RELN: variants seen among roughly 807,000 people sequenced by gnomAD.
RELN encodes the protein reelin.
In RELN, 108 loss-of-function variants were observed where a neutral mutation model predicts 427.6. The ratio of observed to expected loss-of-function variants is 0.25; its 90% CI spans 0.22 to 0.30. The LOEUF is 0.30. RELN is among the 10% of genes least tolerant of loss of function. RELN has a pLI of 1.00. For missense variants in RELN, 3,715 were observed against 4,302.8 expected (o/e 0.86, Z 3.82); for synonymous variants, 1,524 against 1,513.4 (o/e 1.01, Z -0.16).
Position 103,503,006 on chromosome 7 carries a change from T to C in RELN, c.8489+10A>G. The stretch of plus-strand genomic sequence containing the variant: ...CTTGGAACCAGGCTTTGTTTTAGTT[T>C]TCTACTTACTTTCCCACTAAGCTTT... On this transcript the variant is annotated intron_variant, in intron 52 of 64. Coordinates refer to ENST00000428762, the MANE Select transcript of RELN (RefSeq NM_005045.4). 6.2e-7 allele frequency: 1 copy of C among 1,611,708 alleles called. No individual in the cohort carries two copies. Among genetic ancestry groups the C allele is most frequent in the Non-Finnish European group, 8.5e-7 (1 of 1,177,872 alleles).
At chr7:103,972,066 C>T (rs1796774825) in intron 1 of RELN, among the ~76,000 whole-genome samples, 1 of 152,030 alleles carries the variant, frequency 6.6e-6, no homozygotes, top group African/African-American at 2.4e-5. Context: ...GAGCGAGACC[C>T]TCTCTCAAAA....
At chr7:103,770,202 A>G (rs1021957328) in intron 4 of RELN, among the ~76,000 whole-genome samples, 3 of 152,082 alleles carry the variant, frequency 2.0e-5, no homozygotes, top group African/African-American at 7.2e-5. Context: ...CTCCTGCCTC[A>G]GCGTCCTGAA....
At chr7:103,665,075 C>G (rs553610846) in intron 11 of RELN, among the ~76,000 whole-genome samples, 15 of 152,146 alleles carry the variant, frequency 9.9e-5, no homozygotes, top group African/African-American at 3.6e-4. Flanking sequence ...CTTTGCTTTT[C>G]ACATTTAGGT....
chr7:103,786,503 C>T (rs1265347219), intron 3 of RELN, among the ~76,000 whole-genome samples: 3 of 82,484 alleles, frequency 3.6e-5, no homozygotes, highest in African/African-American at 1.4e-4. Flanking sequence ...AAAGATTTAC[C>T]AAGAAAATGG....
intron 13 of RELN, among the ~76,000 whole-genome samples, chr7:103,653,424 GA>G (rs1832963296): frequency 6.6e-6 from 1 of 152,052 alleles, no homozygotes; most frequent in Admixed American, 6.6e-5. Flanking sequence ...CTTAAACCCT[GA>G]AATGCTAGAT....
intron 3 of RELN, among the ~76,000 whole-genome samples, chr7:103,789,081 C>T (rs952360199): frequency 6.6e-6 from 1 of 152,112 alleles, no homozygotes; most frequent in African/African-American, 2.4e-5. Flanking sequence ...CAAAAACGAG[C>T]AATGGGGAAA....
intron 1 of RELN, among the ~76,000 whole-genome samples, chr7:103,926,928 A>G (rs1338591959): frequency 6.6e-6 from 1 of 152,126 alleles, no homozygotes; most frequent in African/African-American, 2.4e-5. Flanking sequence ...TACAGGCGTG[A>G]GCCACCGTGC....
chr7:103,748,164 TTAA>T (rs1197775106), intron 6 of RELN, among the ~76,000 whole-genome samples: 1 of 151,606 alleles, frequency 6.6e-6, no homozygotes, highest in East Asian at 1.9e-4. Flanking sequence ...TGGCTTCTTA[TTAA>T]TAAATATTTT....
intron 1 of RELN, among the ~76,000 whole-genome samples, chr7:103,931,283 C>T (rs1795859278): frequency 6.6e-6 from 1 of 152,140 alleles, no homozygotes; most frequent in Non-Finnish European, 1.5e-5. Context: ...TTTGTTCTCA[C>T]CATCCTTTCC....
At chr7:103,491,628 A>C (rs1470684710) in intron 58 of RELN, among the ~76,000 whole-genome samples, 1 of 152,050 alleles carries the variant, frequency 6.6e-6, no homozygotes, top group Non-Finnish European at 1.5e-5. Flanking sequence ...TCGGGAGTTC[A>C]AGACCAGCCT....
intron 17 of RELN, among the ~76,000 whole-genome samples, chr7:103,638,024 G>A (rs10245257): frequency 0.72 from 109,529 of 152,024 alleles, 39,878 homozygotes; most frequent in African/African-American, 0.82. Context: ...AGGTTATTCA[G>A]TTGAGATATA....
Position 103,818,611 on chromosome 7 carries a change from C to T in RELN, c.473+14926G>A, listed in dbSNP as rs142396553. ...TTAACCTTAACATAAAAATAACATA[C>T]TTTCGTAATGAAAAGAGCATTAGTT... On this transcript the variant is annotated intron_variant, in intron 3 of 64. Transcript: ENST00000428762. Among the ~76,000 whole-genome samples, 20 of 152,230 alleles carry T rather than the reference C, an allele frequency of 1.3e-4. No individual in the cohort carries two copies. The East Asian group carries it at 3.9e-3, about 29-fold the overall frequency.
intron 1 of RELN, among the ~76,000 whole-genome samples, chr7:103,971,373 TA>T (rs1187676087): frequency 6.6e-6 from 1 of 152,090 alleles, no homozygotes; most frequent in Non-Finnish European, 1.5e-5. Context: ...TTACTAACAT[TA>T]GCAGTTTTTC....
In RELN at chr7:103,682,274, A is replaced by G; in HGVS notation, c.1144-13T>C. ...ACTGACAGCTATGCTGTAGGTGAAAAGAGAGCACGGGGTGGCTGTTGAATT... is the reference window on the plus strand; with the variant it reads ...ACTGACAGCTATGCTGTAGGTGAAAGGAGAGCACGGGGTGGCTGTTGAATT... On this transcript the variant is annotated splice_polypyrimidine_tract_variant and intron_variant, in intron 10 of 64. Transcript: ENST00000428762. 6.2e-7 allele frequency: 1 copy of G among 1,613,920 alleles called. No homozygotes were observed. Among genetic ancestry groups the G allele is most frequent in the Non-Finnish European group, 8.5e-7 (1 of 1,179,852 alleles).
Position 103,989,653 on chromosome 7 carries a change from G to A in RELN, c.-297C>T, listed in dbSNP as rs1234368327. On this transcript the variant is annotated 5_prime_UTR_variant, in exon 1 of 65. Transcript: ENST00000428762. The surrounding 1 kb of genome is among the most constrained non-coding windows in gnomAD (Gnocchi z 4.9). The stretch of plus-strand genomic sequence containing the variant: ...CCTCTGCGCGACGCCCCTCGGCCAG[G>A]CCTGGGAAAGCGCCCGCCCCGCTCC... 1.0e-4 allele frequency: 30 copies of A among 297,450 alleles called. No homozygotes were observed. The Admixed American group carries it at 1.6e-3, about 16-fold the overall frequency. The allele number at this position is 297,450 out of a possible 1,614,324, so 18.4% of individuals were successfully genotyped here. A position where few individuals can be genotyped will look rare whatever the true frequency, so the allele number is the denominator to read the frequency against.
At chr7:103,800,981 T>G (rs1792449198) in intron 3 of RELN, among the ~76,000 whole-genome samples, 1 of 152,072 alleles carries the variant, frequency 6.6e-6, no homozygotes, top group African/African-American at 2.4e-5. Context: ...CATGAAAAAA[T>G]GCTCATTATC....
intron 1 of RELN, among the ~76,000 whole-genome samples, chr7:103,933,094 C>A (rs1795900083): frequency 6.6e-6 from 1 of 152,140 alleles, no homozygotes; most frequent in Non-Finnish European, 1.5e-5. Context: ...TTCTAAGCTT[C>A]CAACTAGCTC....
chr7:103,812,293 C>T (rs1584260354), intron 3 of RELN, among the ~76,000 whole-genome samples: 1 of 152,190 alleles, frequency 6.6e-6, no homozygotes, highest in East Asian at 1.9e-4. Context: ...CCCAGGACTT[C>T]ACTATCTGGC....
rs907080369 is a variant in RELN at position 103,678,027 on chromosome 7, C to T, written c.1289+4089G>A. On this transcript the variant is annotated intron_variant, in intron 11 of 64. Coordinates refer to ENST00000428762, the MANE Select transcript of RELN (RefSeq NM_005045.4). ...ATTATAGACTCATTTGTTCATTTTC[C>T]GTCATTTCCAAGGATTTCGGGCAGG... 5.9e-5 allele frequency among the ~76,000 whole-genome samples: 9 copies of T among 152,168 alleles called. 1 individual carries two copies. Among genetic ancestry groups the T allele is most frequent in the South Asian group, 4.1e-4 (2 of 4,826 alleles).
Sources: gnomAD v4.1 joint callset for allele counts (sites outside exome capture counted in the v4.1 genomes callset) on GRCh38, gnomAD v4.1.1 for gene constraint, Gnocchi (gnomAD v3.1) non-coding constraint, MANE v1.5 for transcripts, NCBI Gene and HGNC (gene_info 2026-07-23, HGNC 2026-07-21) for gene names.